The following PLEKHG5 variants were observed in gnomAD, a reference collection of about 807,000 sequenced individuals.
PLEKHG5 encodes pleckstrin homology domain-containing family G member 5.
In PLEKHG5, 52 loss-of-function variants were observed where a neutral mutation model predicts 103.8. The observed-to-expected ratio is 0.50, with a 90% CI of 0.40 to 0.63. The LOEUF is 0.63. Ranked by LOEUF, PLEKHG5 falls within the 30% of genes least tolerant of loss-of-function variation. The pLI is 0.00. For synonymous variants in PLEKHG5, 592 were observed against 575.5 expected, an observed-to-expected ratio of 1.03 and a Z score of -0.41; for missense variants, 1,205 against 1,347.6, an observed-to-expected ratio of 0.89 and a Z score of 1.66.
chr1:6,516,591 G>A (rs1198031573), intron 1 of PLEKHG5, among the ~76,000 whole-genome samples: 1 of 150,860 alleles, frequency 6.6e-6, no homozygotes. Context: ...CGGGAGGTGG[G>A]GGTTGCAGTG....
chr1:6,469,149 TTCCTCCTCCTGCTCA>T lies in PLEKHG5; in HGVS notation c.2127_2141del (p.Asp709_Glu713del). 3.8e-6 allele frequency: 6 copies of T among 1,598,152 alleles called. No individual in the cohort carries two copies. In the South Asian group the frequency reaches 4.4e-5, roughly 12 times the overall value. Reference sequence around the variant, plus strand: ...CCTCCTCCTCCTCCTCCTCCTCCTCTTCCTCCTCCTGCTCATCCTCCTCCTCTTCCAGGCTCTGCA... The same window carrying T: ...CCTCCTCCTCCTCCTCCTCCTCCTCTTCCTCCTCCTCTTCCAGGCTCTGCA... On this transcript the variant is annotated inframe_deletion, in exon 19 of 21. Transcript: ENST00000377728.
At position 6,467,286 on chromosome 1, in the gene PLEKHG5, T is replaced by C; in HGVS notation, c.*277A>G. 1.7e-6 allele frequency: 1 copy of C among 584,052 alleles called. No homozygotes were observed. The highest frequency in any genetic ancestry group is 3.1e-6 in the Non-Finnish European group (1 of 321,430). 36.2% of individuals were successfully genotyped at this position (584,052 alleles called of 1,614,324 possible). A position where few individuals can be genotyped will look rare whatever the true frequency, so the allele number is the denominator to read the frequency against. On this transcript the variant is annotated 3_prime_UTR_variant, in exon 21 of 21. Transcript: ENST00000377728. The stretch of plus-strand genomic sequence containing the variant: ...GAGGGTAGAAGTAGGATGGGCAGCC[T>C]AGGAGCCCAGCCCTGAAGACTCGAG...
Position 6,468,259 on chromosome 1 carries a change from G to A in PLEKHG5, c.2577C>T (p.Arg859=), listed in dbSNP as rs758214289. 20 of 1,604,744 alleles carry A rather than the reference G, an allele frequency of 1.2e-5. No individual in the cohort carries two copies. The highest frequency in any genetic ancestry group is 3.3e-5 in the South Asian group (3 of 90,452). ...TCAACAGCTGGACAGGGGTGCGGCG[G>A]CGGAGACGGGGCGAGGGTGGAGGGG... The part of the protein sequence containing the change: ...VPSPPPSPRL[R]RRTPVQLLSC... The change falls in exon 20 of 21, where the codon CGC becomes CGT. Residue 859 remains arginine, a synonymous_variant. Coordinates refer to ENST00000377728, the MANE Select transcript of PLEKHG5 (RefSeq NM_020631.6).
chr1:6,472,697 C>T, intron 9 of PLEKHG5, 75 bp from the exon 10 acceptor site: 2 of 1,040,356 alleles, frequency 1.9e-6, no homozygotes, highest in Non-Finnish European at 2.9e-6. Flanking sequence ...AAGCAACCTG[C>T]ATGCAACTCT....
chr1:6,475,422 G>A (rs1644738070), intron 4 of PLEKHG5, 40 bp downstream of exon 4: 2 of 1,580,186 alleles, frequency 1.3e-6, no homozygotes, highest in South Asian at 1.1e-5. Context: ...GGCGCAGGCT[G>A]TAGGGAACCC....
intron 1 of PLEKHG5, among the ~76,000 whole-genome samples, chr1:6,488,599 G>A (rs962943925): frequency 2.0e-5 from 3 of 152,210 alleles, no homozygotes; most frequent in African/African-American, 7.2e-5. Flanking sequence ...CAGCAAGGGT[G>A]GGGGACTGTT....
At chr1:6,473,960 C>T (rs1430004630) in intron 7 of PLEKHG5, 53 bp downstream of exon 7, 11 of 1,501,760 alleles carry the variant, frequency 7.3e-6, no homozygotes, top group Non-Finnish European at 1.0e-5. Flanking sequence ...GGGCTGTGGG[C>T]CCAGCCTGGG....
intron 1 of PLEKHG5, chr1:6,485,780 G>C: frequency 1.6e-6 from 1 of 611,902 alleles, no homozygotes; most frequent in Non-Finnish European, 2.0e-6. Flanking sequence ...CCCCGCCTCC[G>C]CCCAGTCCCC....
Position 6,470,747 on chromosome 1 carries a change from G to A in PLEKHG5, c.1530C>T (p.Ala510=), listed in dbSNP as rs61734080. 5.3e-5 allele frequency: 82 copies of A among 1,560,370 alleles called. No homozygotes were observed. In the African/African-American group the frequency reaches 8.0e-4, roughly 15 times the overall value. The change falls in exon 14 of 21, where the codon GCC becomes GCT. Residue 510 remains alanine, a synonymous_variant. Coordinates refer to ENST00000377728, the MANE Select transcript of PLEKHG5 (RefSeq NM_020631.6). ...CCATCAGGGTTACCATGGCGACGAC[G>A]GCCTCCTTGGCGCGCGGCTCCTCGG... ...RKTEEPRAKE[A]VVAMIGSVER...
At chr1:6,479,349 C>G (rs1486250239) in intron 1 of PLEKHG5, among the ~76,000 whole-genome samples, 2 of 140,874 alleles carry the variant, frequency 1.4e-5, no homozygotes, top group Non-Finnish European at 3.0e-5. Context: ...TGCAGTGGCG[C>G]GATCTCGACT....
chr1:6,472,853 A>C, intron 9 of PLEKHG5, 133 bp downstream of exon 9: 1 of 863,324 alleles, frequency 1.2e-6, no homozygotes, highest in Non-Finnish European at 1.9e-6. Flanking sequence ...ATCTAGCCTC[A>C]GTGTCTCCAA....
At chr1:6,471,459 C>A in intron 12 of PLEKHG5, 29 bp downstream of exon 12, 4 of 1,601,150 alleles carry the variant, frequency 2.5e-6, no homozygotes, top group Non-Finnish European at 3.4e-6. Flanking sequence ...TGCCTCAGTG[C>A]CCCCGCCTGC....
upstream of PLEKHG5, among the ~76,000 whole-genome samples, chr1:6,493,087 G>A (rs1042673655): frequency 6.6e-6 from 1 of 152,204 alleles, no homozygotes; most frequent in Non-Finnish European, 1.5e-5. Context: ...CAGGAGGTAG[G>A]GGACAGATGG....
chr1:6,510,766 C>T (rs1014224666), intron 1 of PLEKHG5, among the ~76,000 whole-genome samples: 10 of 152,054 alleles, frequency 6.6e-5, no homozygotes, highest in East Asian at 1.9e-4. Flanking sequence ...GGGCGTGGTG[C>T]GGGCAGCACA....
intron 1 of PLEKHG5, among the ~76,000 whole-genome samples, chr1:6,513,029 C>T (rs1348828821): frequency 6.6e-6 from 1 of 152,234 alleles, no homozygotes; most frequent in Non-Finnish European, 1.5e-5. Flanking sequence ...CCCGGCATGG[C>T]CACTTAGACC....
chr1:6,469,276 G>T (rs1207771192), intron 18 of PLEKHG5, 35 bp from the exon 19 acceptor site: 1 of 1,613,578 alleles, frequency 6.2e-7, no homozygotes, highest in East Asian at 2.2e-5. Context: ...GGACAGAATG[G>T]GTTGTGACCA....
intron 1 of PLEKHG5, among the ~76,000 whole-genome samples, chr1:6,484,201 C>T (rs943586): frequency 0.25 from 37,367 of 152,122 alleles, 6,932 homozygotes; most frequent in African/African-American, 0.52. Flanking sequence ...TCAACAAATA[C>T]GGACTGAGCC....
At position 6,475,089 on chromosome 1, in the gene PLEKHG5, A is replaced by G. The variant is rs117505788; in HGVS notation, c.260T>C (p.Ile87Thr). ...CATGGCTGGGACGATCTCTGTCTCA[A>G]TGTCCACATTCAGGTCAAATTTCAG... Reference protein sequence around the residue: ...FTLKFDLNVDIETEIVPAMKK... With the variant: ...FTLKFDLNVDTETEIVPAMKK... Residue 87 changes from isoleucine to threonine, a missense_variant, in exon 5 of 21, where the codon ATT becomes ACT. Ile to Thr is a moderately conservative substitution (Grantham distance 89, BLOSUM62 -1). Transcript: ENST00000377728. The G allele has an allele frequency of 1.4e-3, 2,291 of 1,612,190 alleles. 33 individuals are homozygous for G. In the East Asian group the frequency reaches 0.042, roughly 29 times the overall value.
At chr1:6,470,440 G>A (rs1644531354) in intron 15 of PLEKHG5, 66 bp downstream of exon 15, 1 of 1,611,406 alleles carries the variant, frequency 6.2e-7, no homozygotes, top group Non-Finnish European at 8.5e-7. Flanking sequence ...GCCCAGCACA[G>A]CCCCTGCCTG....
Sources: allele counts gnomAD v4.1 joint callset (sites outside exome capture counted in the v4.1 genomes callset), GRCh38; gene constraint gnomAD v4.1.1; transcripts MANE v1.5; gene names NCBI Gene and HGNC (gene_info 2026-07-23, HGNC 2026-07-21).